CCDC187: variants seen among roughly 807,000 people sequenced by gnomAD.
CCDC187 encodes coiled-coil domain-containing protein 187.
A neutral mutation model predicts 38.0 loss-of-function variants in CCDC187; 32 were observed. That is an observed-to-expected ratio of 0.84 (90% CI 0.64 to 1.13). The LOEUF (loss-of-function observed/expected upper bound fraction) is 1.13, where lower values mean the gene tolerates loss of function less well. Among genes scored for constraint, CCDC187 ranks in the 50% most tolerant of loss-of-function variants. The pLI is 0.00. For synonymous variants in CCDC187, 333 were observed against 347.9 expected (o/e 0.96, Z 0.48); for missense variants, 707 against 786.8 (o/e 0.90, Z 1.21).
intron 10 of CCDC187, among the ~76,000 whole-genome samples, chr9:136,278,110 C>A (rs1427114194): frequency 2.0e-5 from 3 of 152,238 alleles, no homozygotes; most frequent in African/African-American, 7.2e-5. Flanking sequence ...TCTTACACTT[C>A]TTTGTTTGGG....
rs1025551762 is a variant in CCDC187, at chr9:136,257,841, A to G, written c.4367-1000T>C. Among the ~76,000 whole-genome samples, 1 of 152,094 alleles carries G rather than the reference A, an allele frequency of 6.6e-6. No individual in the cohort carries two copies. On this transcript the variant is annotated intron_variant, in intron 22 of 25. Coordinates refer to ENST00000638797, the MANE Select transcript of CCDC187 (RefSeq NM_001378188.1). This position sits in a 1 kb window ranked among gnomAD's most constrained non-coding sequence, Gnocchi z 4.5. ...GGGCGTCACCCAGGGAGCCCCTGCA[A>G]GCGCAGTCTTTTGATCAGAGAGCGG...
At chr9:136,292,429 C>A (rs1450516481) in intron 4 of CCDC187, 134 bp from the exon 5 acceptor site, 3 of 396,430 alleles carry the variant, frequency 7.6e-6, no homozygotes, top group African/African-American at 6.2e-5. Context: ...GGAGGATATC[C>A]CTCATGTCCA....
intron 3 of CCDC187, 62 bp from the exon 4 acceptor site, chr9:136,297,883 C>T (rs1244977254): frequency 2.5e-6 from 1 of 395,206 alleles, no homozygotes; most frequent in Non-Finnish European, 4.5e-6. Flanking sequence ...GACACACGGG[C>T]CCCCCACGTG....
chr9:136,295,341 T>A (rs1298384783), intron 4 of CCDC187, among the ~76,000 whole-genome samples: 3 of 152,262 alleles, frequency 2.0e-5, no homozygotes, highest in African/African-American at 7.2e-5. Context: ...CGCCAGAGGG[T>A]CCCGCTCGAT....
At chr9:136,277,589 T>G (rs1830958097) in intron 10 of CCDC187, among the ~76,000 whole-genome samples, 1 of 152,054 alleles carries the variant, frequency 6.6e-6, no homozygotes, top group African/African-American at 2.4e-5. Context: ...TTTCTGGGAT[T>G]GGTCCAGAGC....
intron 3 of CCDC187, among the ~76,000 whole-genome samples, chr9:136,298,885 T>A (rs1273434924): frequency 6.6e-6 from 1 of 152,220 alleles, no homozygotes; most frequent in Non-Finnish European, 1.5e-5. Flanking sequence ...CACAGTGCTA[T>A]GAATGTGCTC....
rs1830611534 is a variant in CCDC187 at position 136,256,266 on chromosome 9, C to A, written c.4561G>T (p.Glu1521Ter). The A allele has an allele frequency of 3.0e-6, 3 of 985,498 alleles. No individual in the cohort carries two copies. Among genetic ancestry groups the A allele is most frequent in the Admixed American group, 6.1e-5 (1 of 16,272 alleles). 61.0% of individuals were successfully genotyped at this position (985,498 alleles called of 1,614,324 possible). The change falls in exon 24 of 26, where the codon GAG (glutamate) becomes TAG (stop). Residue 1521 changes from glutamate to a stop codon, truncating the protein, a stop_gained. Transcript: ENST00000638797. LOFTEE classifies it high-confidence loss of function. ...EGLESGLDFA[E>*]SPVEESQETE... ...TCCTGGGACTCCTCCACGGGGCTCT[C>A]AGCAAAATCCAGCCCCGATTCCAAG...
intron 4 of CCDC187, among the ~76,000 whole-genome samples, chr9:136,296,962 G>A (rs931077046): frequency 2.0e-5 from 3 of 152,212 alleles, no homozygotes; most frequent in Non-Finnish European, 2.9e-5. Flanking sequence ...TGGGGTCTGC[G>A]GAAGACCCTC....
rs1459291714 is a variant in CCDC187 at position 136,264,176 on chromosome 9, C to G, written c.3736-378G>C. ...CCCCACAGCGTCCCTGGTGGACGCA[C>G]CCTCGGAACAACCTTGCACAGAGCC... On this transcript the variant is annotated intron_variant, in intron 17 of 25. Transcript: ENST00000638797. The surrounding 1 kb of genome is among the most constrained non-coding windows in gnomAD (Gnocchi z 4.3). 6.6e-6 allele frequency: 1 copy of G among 152,454 alleles called. No homozygotes were observed. The highest frequency in any genetic ancestry group is 2.4e-5 in the African/African-American group (1 of 41,462). 9.4% of individuals were successfully genotyped at this position (152,454 alleles called of 1,614,324 possible).
intron 7 of CCDC187, 132 bp downstream of exon 7, chr9:136,289,827 G>A: frequency 2.5e-6 from 1 of 394,188 alleles, no homozygotes; most frequent in Non-Finnish European, 4.5e-6. Context: ...GGGCAGGGCA[G>A]AGCCTGCCCC....
intron 10 of CCDC187, chr9:136,280,881 C>T (rs1831025487): frequency 6.6e-6 from 1 of 152,416 alleles, no homozygotes; most frequent in African/African-American, 2.4e-5. Flanking sequence ...TGGGGGCCCC[C>T]ATTCACTCAG....
chr9:136,305,872 G>A (rs923345991), upstream of CCDC187, among the ~76,000 whole-genome samples: 10 of 152,140 alleles, frequency 6.6e-5, no homozygotes, highest in Non-Finnish European at 8.8e-5. Flanking sequence ...ACAGCGGAGC[G>A]TCTGCCTCCC....
intron 18 of CCDC187, 140 bp from the exon 19 acceptor site, chr9:136,262,602 G>A (rs1830692669): frequency 6.2e-6 from 4 of 643,670 alleles, no homozygotes; most frequent in Non-Finnish European, 7.7e-6. Context: ...TGGGTGCCAG[G>A]CTGAGACAGG....
At chr9:136,261,947 G>T (rs116775175) in intron 19 of CCDC187, among the ~76,000 whole-genome samples, 1 of 152,218 alleles carries the variant, frequency 6.6e-6, no homozygotes, top group African/African-American at 2.4e-5. Flanking sequence ...GGGAAAAACA[G>T]CTCCTCCTCC....
At chr9:136,267,700 G>A in intron 15 of CCDC187, 189 bp from the exon 16 acceptor site, 1 of 905,688 alleles carries the variant, frequency 1.1e-6, no homozygotes, top group Non-Finnish European at 1.3e-6. Flanking sequence ...TCGCTTCCCC[G>A]ACTGTGAGCT....
At chr9:136,293,353 A>T (rs1221927575) in intron 4 of CCDC187, among the ~76,000 whole-genome samples, 1 of 147,572 alleles carries the variant, frequency 6.8e-6, no homozygotes, top group African/African-American at 2.5e-5. Flanking sequence ...TCACATGCTC[A>T]CACACATTCA....
intron 16 of CCDC187, chr9:136,266,711 A>G (rs1554761665): frequency 6.6e-6 from 1 of 152,236 alleles, no homozygotes; most frequent in Non-Finnish European, 1.5e-5. Flanking sequence ...CCTGACATAT[A>G]AATTGAAAAC....
rs1392399538 is a variant in CCDC187, at chr9:136,258,534, G to C, written c.4366+398C>G. On this transcript the variant is annotated intron_variant, in intron 22 of 25. Coordinates refer to ENST00000638797, the MANE Select transcript of CCDC187 (RefSeq NM_001378188.1). The surrounding 1 kb of genome is among the most constrained non-coding windows in gnomAD (Gnocchi z 4.3). The stretch of plus-strand genomic sequence containing the variant: ...CGCCCCACCTGCAAATTGGGGACTT[G>C]GCTCTCGGGGGGGGCCCCGGCCAAG... Among the ~76,000 whole-genome samples, 2 of 151,610 alleles carry C rather than the reference G, an allele frequency of 1.3e-5. No homozygotes were observed. Among genetic ancestry groups the C allele is most frequent in the Admixed American group, 1.3e-4 (2 of 15,240 alleles).
Position 136,271,201 on chromosome 9 carries a change from G to A in CCDC187, c.3443-3076C>T, listed in dbSNP as rs533839470. 3.3e-5 allele frequency among the ~76,000 whole-genome samples: 5 copies of A among 152,270 alleles called. No individual in the cohort carries two copies. The South Asian group carries it at 1.0e-3, about 32-fold the overall frequency. ...TTTGAAGAAAATGAAAAATCCACAGGTCGAAGAATCTCAACAAACCCAGAG... is the reference window on the plus strand; with the variant it reads ...TTTGAAGAAAATGAAAAATCCACAGATCGAAGAATCTCAACAAACCCAGAG... On this transcript the variant is annotated intron_variant, in intron 14 of 25. Coordinates refer to ENST00000638797, the MANE Select transcript of CCDC187 (RefSeq NM_001378188.1).
Sources: allele counts gnomAD v4.1 joint callset (sites outside exome capture counted in the v4.1 genomes callset), GRCh38; gene constraint gnomAD v4.1.1; non-coding constraint Gnocchi (gnomAD v3.1); transcripts MANE v1.5; gene names NCBI Gene and HGNC (gene_info 2026-07-23, HGNC 2026-07-21).